Variants in PID1 observed in about 807,000 individuals in gnomAD.
PID1 encodes the protein PTB-containing, cubilin and LRP1-interacting protein.
Under a neutral mutation model 19.1 loss-of-function variants are expected in PID1, and 10 were observed. The observed-to-expected ratio is 0.52, with a 90% CI of 0.32 to 0.89. The LOEUF (loss-of-function observed/expected upper bound fraction) is 0.89. Among genes scored for constraint, PID1 ranks in the 40% least tolerant of loss-of-function variants. The pLI, the probability that PID1 is intolerant of heterozygous loss-of-function variation, is 0.03. For synonymous variants in PID1, 130 were observed against 116.0 expected, an observed-to-expected ratio of 1.12 and a Z score of -0.78; for missense variants, 248 against 285.3, an observed-to-expected ratio of 0.87 and a Z score of 0.94.
intron 2 of PID1, among the ~76,000 whole-genome samples, chr2:229,047,118 T>C (rs757993784): frequency 6.6e-5 from 10 of 152,362 alleles, no homozygotes; most frequent in Non-Finnish European, 1.5e-4. Context: ...CCCAGTCCTG[T>C]CTGCCGCTGC....
intron 1 of PID1, among the ~76,000 whole-genome samples, chr2:229,193,586 G>T (rs1213080388): frequency 2.0e-5 from 3 of 152,084 alleles, no homozygotes; most frequent in Non-Finnish European, 4.4e-5. Flanking sequence ...GGACAATATT[G>T]TTGTTCTTGT....
chr2:229,125,604 C>T (rs1695607432), intron 2 of PID1, among the ~76,000 whole-genome samples: 1 of 152,174 alleles, frequency 6.6e-6, no homozygotes, highest in Non-Finnish European at 1.5e-5. Context: ...CACTGAAGTA[C>T]ATAAATGTCT....
intron 2 of PID1, among the ~76,000 whole-genome samples, chr2:229,056,612 A>AATATAT (rs200540998): frequency 0.3 from 44,789 of 147,648 alleles, 7,365 homozygotes; most frequent in Middle Eastern, 0.42. Context: ...AAATAAAAAT[A>AATATAT]ATATATATAT....
chr2:229,209,862 TG>T (rs1335025326), intron 1 of PID1, among the ~76,000 whole-genome samples: 1 of 152,192 alleles, frequency 6.6e-6, no homozygotes, highest in Non-Finnish European at 1.5e-5. Flanking sequence ...GCAGAAATTC[TG>T]ATCTTCCAGA....
intron 2 of PID1, among the ~76,000 whole-genome samples, chr2:229,143,104 C>G (rs1394605439): frequency 3.6e-4 from 53 of 146,538 alleles, no homozygotes; most frequent in South Asian, 1.4e-3. Flanking sequence ...GAACAAAAAA[C>G]CAAACACCGC....
intron 1 of PID1, among the ~76,000 whole-genome samples, chr2:229,264,894 G>A (rs531802505): frequency 6.6e-6 from 1 of 152,324 alleles, no homozygotes; most frequent in African/African-American, 2.4e-5. Flanking sequence ...ATGGACAGAA[G>A]AGAAGACAGG....
intron 2 of PID1, among the ~76,000 whole-genome samples, chr2:229,072,796 A>G (rs1442795250): frequency 6.6e-6 from 1 of 152,222 alleles, no homozygotes; most frequent in African/African-American, 2.4e-5. Flanking sequence ...ATGAACACCT[A>G]GAAAGGAGTT....
intron 1 of PID1, among the ~76,000 whole-genome samples, chr2:229,216,519 G>A (rs576150393): frequency 6.6e-6 from 1 of 152,290 alleles, no homozygotes; most frequent in East Asian, 1.9e-4. Context: ...GAAAAGAGCA[G>A]AAAAATGATG....
chr2:229,052,968 C>T (rs944037844), intron 2 of PID1, among the ~76,000 whole-genome samples: 2 of 152,030 alleles, frequency 1.3e-5, no homozygotes, highest in African/African-American at 4.8e-5. Flanking sequence ...CTATATGTGC[C>T]ATGTACAATT....
At chr2:229,089,149 C>A (rs984409310) in intron 2 of PID1, among the ~76,000 whole-genome samples, 60 of 152,248 alleles carry the variant, frequency 3.9e-4, no homozygotes, top group African/African-American at 1.4e-3. Context: ...CATAGTTGTT[C>A]ATTCTTTTTT....
chr2:229,130,591 G>C (rs553393721), intron 2 of PID1, among the ~76,000 whole-genome samples: 11 of 152,330 alleles, frequency 7.2e-5, no homozygotes, highest in African/African-American at 2.4e-4. Context: ...CATGGGTCTA[G>C]TTGAAGCTGG....
chr2:229,110,427 T>TGAG (rs1695274626), intron 2 of PID1, among the ~76,000 whole-genome samples: 1 of 151,784 alleles, frequency 6.6e-6, no homozygotes, highest in South Asian at 2.1e-4. Context: ...CAAGATCAGG[T>TGAG]GAGGGAAGAG....
rs1036687305 is a variant in PID1 at position 229,193,623 on chromosome 2, A to T, written c.31-37659T>A. Among the ~76,000 whole-genome samples the T allele has an allele frequency of 8.5e-5, 13 of 152,190 alleles. No homozygotes were observed. In the South Asian group the frequency reaches 1.2e-3, roughly 15 times the overall value. On this transcript the variant is annotated intron_variant, in intron 1 of 2. Transcript: ENST00000392055. ...AGTCAAGTCCCTAAGATATTACAGA[A>T]GAGGGCTGTATTTTTATTGTTATTG...
chr2:229,159,151 T>C (rs943546438), intron 1 of PID1, among the ~76,000 whole-genome samples: 6 of 152,158 alleles, frequency 3.9e-5, no homozygotes, highest in African/African-American at 1.4e-4. Context: ...TTCTCCATGA[T>C]GTTATTATTG....
intron 2 of PID1, among the ~76,000 whole-genome samples, chr2:229,126,238 A>C (rs1695619899): frequency 6.6e-6 from 1 of 152,194 alleles, no homozygotes; most frequent in African/African-American, 2.4e-5. Flanking sequence ...CTGCAGTCCC[A>C]AAGGAGGTAG....
chr2:229,204,192 T>C (rs372804749), intron 1 of PID1, among the ~76,000 whole-genome samples: 12 of 152,068 alleles, frequency 7.9e-5, no homozygotes, highest in African/African-American at 2.9e-4. Context: ...CTGTTGTTTA[T>C]TGCTAGAGCT....
intron 1 of PID1, among the ~76,000 whole-genome samples, chr2:229,189,629 G>A (rs867193937): frequency 6.6e-5 from 10 of 152,266 alleles, no homozygotes; most frequent in Middle Eastern, 3.4e-3. Context: ...CCTGGGAGGC[G>A]GAGGTTGCAG....
At chr2:229,261,603 G>C (rs1409589771) in intron 1 of PID1, among the ~76,000 whole-genome samples, 2 of 152,216 alleles carry the variant, frequency 1.3e-5, no homozygotes, top group African/African-American at 4.8e-5. Context: ...TGTCATGAAA[G>C]GATTAGGATG....
intron 2 of PID1, among the ~76,000 whole-genome samples, chr2:229,093,957 G>A (rs769200529): frequency 6.6e-6 from 1 of 152,148 alleles, no homozygotes; most frequent in Non-Finnish European, 1.5e-5. Flanking sequence ...CCTAGCCAGA[G>A]CTATCAGGCC....
Sources: gnomAD v4.1 joint callset for allele counts (sites outside exome capture counted in the v4.1 genomes callset) on GRCh38, gnomAD v4.1.1 for gene constraint, MANE v1.5 for transcripts, NCBI Gene and HGNC (gene_info 2026-07-23, HGNC 2026-07-21) for gene names.